Variants in UTRN observed in about 807,000 individuals in gnomAD.
The protein encoded by UTRN is utrophin.
A neutral mutation model predicts 463.9 loss-of-function variants in UTRN; 283 were observed. The ratio of observed to expected loss-of-function variants is 0.61; its 90% CI spans 0.55 to 0.67. UTRN has a LOEUF of 0.67. Among genes scored for constraint, UTRN ranks in the 30% least tolerant of loss-of-function variants. The pLI is 0.00. For missense variants in UTRN, 3,922 were observed against 4,084.3 expected, an observed-to-expected ratio of 0.96 and a Z score of 1.08; for synonymous variants, 1,442 against 1,431.5, an observed-to-expected ratio of 1.01 and a Z score of -0.17.
chr6:144,852,720 A>G lies in UTRN; in HGVS notation c.*1723A>G, dbSNP rs1251029427. Reference sequence around the variant, plus strand: ...AAAGCACCTATTTAAAGAAAAAACAATTCCCTGAGCTCTCAACTCCAAGTT... The same window carrying G: ...AAAGCACCTATTTAAAGAAAAAACAGTTCCCTGAGCTCTCAACTCCAAGTT... On this transcript the variant is annotated 3_prime_UTR_variant, in exon 75 of 75. Transcript: ENST00000367545. 6.6e-6 allele frequency: 1 copy of G among 152,564 alleles called. No homozygotes were observed. The highest frequency in any genetic ancestry group is 1.5e-5 in the Non-Finnish European group (1 of 68,014). 9.5% of individuals were successfully genotyped at this position (152,564 alleles called of 1,614,324 possible). A position where few individuals can be genotyped will look rare whatever the true frequency, so the allele number is the denominator to read the frequency against.
In UTRN at chr6:144,548,726, C is replaced by T; in HGVS notation, c.6682C>T (p.Pro2228Ser). Reference protein sequence around the residue: ...QSHRTSEISIPADLDKTITEL... With the variant: ...QSHRTSEISISADLDKTITEL... ...TCATCGTACTTCGGAAATTTCAATT[C>T]CTGCTGATCTTGATAAAACTATAAC... The change falls in exon 47 of 75, where the codon CCT becomes TCT. Residue 2228 changes from proline (P) to serine (S), a missense_variant. This residue lies in a region of UTRN where 2,349 missense variants were observed against 2,303.8 expected (regional missense o/e 1.02). Coordinates refer to ENST00000367545, the MANE Select transcript of UTRN (RefSeq NM_007124.3). The T allele has an allele frequency of 6.2e-7, 1 of 1,614,016 alleles. No individual in the cohort carries two copies. The highest frequency in any genetic ancestry group is 1.1e-5 in the South Asian group (1 of 91,074).
chr6:144,300,651 T>G (rs1233723806), intron 2 of UTRN, among the ~76,000 whole-genome samples: 3 of 152,214 alleles, frequency 2.0e-5, no homozygotes, highest in Non-Finnish European at 4.4e-5. Flanking sequence ...CAAAATTTAA[T>G]GAGACCTGCT....
intron 54 of UTRN, among the ~76,000 whole-genome samples, chr6:144,741,246 C>T (rs1236133192): frequency 2.0e-5 from 3 of 152,190 alleles, no homozygotes; most frequent in Non-Finnish European, 2.9e-5. Context: ...GGGTAGAAAG[C>T]TCCAGACTTC....
intron 27 of UTRN, among the ~76,000 whole-genome samples, chr6:144,484,085 T>TA (rs759103260): frequency 4.1e-4 from 63 of 152,178 alleles, no homozygotes; most frequent in Non-Finnish European, 6.5e-4. Context: ...CTCCTAAACT[T>TA]ACCACTCAAA....
intron 39 of UTRN, among the ~76,000 whole-genome samples, chr6:144,519,184 TATAAA>T (rs1363523727): frequency 1.3e-5 from 2 of 152,206 alleles, no homozygotes; most frequent in East Asian, 1.9e-4. Flanking sequence ...CCATAATTGC[TATAAA>T]ATATTATCTT....
chr6:144,471,749 A>G (rs1257462106), intron 23 of UTRN, among the ~76,000 whole-genome samples: 1 of 152,230 alleles, frequency 6.6e-6, no homozygotes, highest in Non-Finnish European at 1.5e-5. Context: ...AGGAGGAAGC[A>G]GCTTGGGGAA....
At chr6:144,297,957 A>G (rs549669580) in intron 2 of UTRN, among the ~76,000 whole-genome samples, 1 of 152,302 alleles carries the variant, frequency 6.6e-6, no homozygotes, top group South Asian at 2.1e-4. Context: ...CCTTATTTGT[A>G]CCCAGAAGTT....
At chr6:144,459,379 C>G (rs1428039270) in intron 21 of UTRN, 25 bp downstream of exon 21, 2 of 1,558,820 alleles carry the variant, frequency 1.3e-6, no homozygotes, top group Admixed American at 3.9e-5. Flanking sequence ...TTTAAAATCT[C>G]CTGTCTCAGT....
intron 62 of UTRN, among the ~76,000 whole-genome samples, chr6:144,789,635 A>G (rs1271714385): frequency 1.3e-5 from 2 of 152,304 alleles, no homozygotes; most frequent in East Asian, 3.9e-4. Context: ...CTAGTCTAAG[A>G]CTGCAGAGCT....
chr6:144,601,352 C>T (rs1057067329), intron 51 of UTRN, among the ~76,000 whole-genome samples: 4 of 152,134 alleles, frequency 2.6e-5, no homozygotes, highest in African/African-American at 9.7e-5. Flanking sequence ...TAAGAGCATT[C>T]TTGATTAATG....
At chr6:144,822,067 C>A (rs1275497560) in intron 66 of UTRN, among the ~76,000 whole-genome samples, 1 of 151,976 alleles carries the variant, frequency 6.6e-6, no homozygotes, top group East Asian at 1.9e-4. Flanking sequence ...GAAACTTTAG[C>A]CTTCAGATTC....
rs74829347 is a variant in UTRN, at chr6:144,779,697, C to T, written c.8633-2225C>T. ...CTTAACTTTAATTGAAAAAACTCCACGTGTAGGTGGACCCTCACAGTTCAA... is the reference window on the plus strand; with the variant it reads ...CTTAACTTTAATTGAAAAAACTCCATGTGTAGGTGGACCCTCACAGTTCAA... On this transcript the variant is annotated intron_variant, in intron 60 of 74. Transcript: ENST00000367545. Among the ~76,000 whole-genome samples, 169 of 152,224 alleles carry T rather than the reference C, an allele frequency of 1.1e-3. 1 individual carries two copies. Among genetic ancestry groups the T allele is most frequent in the African/African-American group, 3.9e-3 (160 of 41,558 alleles).
At chr6:144,607,408 CTCTAAACATCTTCTCATGTCAATATTT>C (rs1271848226) in intron 51 of UTRN, among the ~76,000 whole-genome samples, 1 of 152,174 alleles carries the variant, frequency 6.6e-6, no homozygotes, top group Non-Finnish European at 1.5e-5. Context: ...TCTCAATATT[CTCTAAACATCTTCTCATGTCAATATTT>C]TCTAAACATC....
At position 144,438,872 on chromosome 6, in the gene UTRN, C is replaced by A. The variant is rs1158807811; in HGVS notation, c.1369C>A (p.Gln457Lys). The change falls in exon 12 of 75, where the codon CAA becomes AAA. Residue 457 changes from glutamine to lysine, a missense_variant. By Grantham distance (53) the Gln-to-Lys change is moderately conservative. This residue lies in a region of UTRN where 2,349 missense variants were observed against 2,303.8 expected (regional missense o/e 1.02). Coordinates refer to ENST00000367545, the MANE Select transcript of UTRN (RefSeq NM_007124.3). The part of the protein sequence containing the change: ...CPLDDDVKSL[Q>K]KLLEEHKSLQ... ...CCTGGATGATGATGTAAAATCTCTA[C>A]AAAAGCTGCTAGAAGAACATAAAGT... is the stretch of plus-strand genomic sequence containing the variant. The A allele has an allele frequency of 1.1e-5, 18 of 1,614,148 alleles. No individual in the cohort carries two copies. The highest frequency in any genetic ancestry group is 1.5e-5 in the Non-Finnish European group (18 of 1,180,018).
At chr6:144,360,778 T>A (rs191599479) in intron 2 of UTRN, among the ~76,000 whole-genome samples, 1 of 152,174 alleles carries the variant, frequency 6.6e-6, no homozygotes, top group South Asian at 2.1e-4. Flanking sequence ...CCCAGTTGGG[T>A]TGTGATCGAA....
chr6:144,563,131 T>C (rs1017615299), intron 50 of UTRN, among the ~76,000 whole-genome samples: 1 of 152,216 alleles, frequency 6.6e-6, no homozygotes, highest in Non-Finnish European at 1.5e-5. Flanking sequence ...TATTAATTAA[T>C]AATGGCCAGC....
At chr6:144,653,630 C>G (rs904195134) in intron 51 of UTRN, among the ~76,000 whole-genome samples, 2 of 151,088 alleles carry the variant, frequency 1.3e-5, no homozygotes, top group African/African-American at 2.4e-5. Flanking sequence ...CATAGTTGTA[C>G]AGCATTTCAT....
chr6:144,765,150 C>G (rs554929947), intron 58 of UTRN, among the ~76,000 whole-genome samples: 1 of 152,268 alleles, frequency 6.6e-6, no homozygotes, highest in South Asian at 2.1e-4. Context: ...GTTTATATTT[C>G]CAAGCAATTT....
intron 53 of UTRN, among the ~76,000 whole-genome samples, chr6:144,719,900 G>A (rs770752032): frequency 5.9e-5 from 9 of 152,172 alleles, no homozygotes; most frequent in Non-Finnish European, 1.0e-4. Context: ...CTTGATACAC[G>A]GACAATTTGG....
Sources: gnomAD v4.1 joint callset for allele counts (sites outside exome capture counted in the v4.1 genomes callset) on GRCh38, gnomAD v4.1.1 for gene constraint, gnomAD v4.1.1 regional missense constraint, MANE v1.5 for transcripts, NCBI Gene and HGNC (gene_info 2026-07-23, HGNC 2026-07-21) for gene names.